The following ZNF804A variants were observed in gnomAD, a reference collection of about 807,000 sequenced individuals.
ZNF804A encodes zinc finger protein 804A.
Under a neutral mutation model 16.5 loss-of-function variants are expected in ZNF804A, and 2 were observed. The observed-to-expected ratio is 0.12, with a 90% confidence interval of 0.05 to 0.38. The LOEUF (loss-of-function observed/expected upper bound fraction) is 0.38. Among genes scored for constraint, ZNF804A ranks in the 10% least tolerant of loss-of-function variants. The pLI is 0.99. For synonymous variants in ZNF804A, 534 were observed against 489.6 expected (o/e 1.09, Z -1.20); for missense variants, 1,473 against 1,390.7 (o/e 1.06, Z -0.94).
At chr2:184,780,092 G>A (rs530855614) in intron 1 of ZNF804A, among the ~76,000 whole-genome samples, 15 of 151,912 alleles carry the variant, frequency 9.9e-5, no homozygotes, top group African/African-American at 2.2e-4. Context: ...AGCTCAGACT[G>A]TGTGATATCT....
At chr2:184,839,874 G>C (rs1695408713) in intron 1 of ZNF804A, among the ~76,000 whole-genome samples, 1 of 151,926 alleles carries the variant, frequency 6.6e-6, no homozygotes, top group Non-Finnish European at 1.5e-5. Context: ...CTCTTTTAAA[G>C]GTGGCCTGAC....
intron 1 of ZNF804A, among the ~76,000 whole-genome samples, chr2:184,789,422 T>G (rs1295015534): frequency 6.6e-6 from 1 of 152,140 alleles, no homozygotes. Flanking sequence ...CAGCTCTTCT[T>G]TGTGTGTCTA....
intron 1 of ZNF804A, among the ~76,000 whole-genome samples, chr2:184,819,628 G>A (rs901630592): frequency 9.9e-5 from 15 of 151,626 alleles, no homozygotes; most frequent in African/African-American, 3.1e-4. Flanking sequence ...AATGAATGGA[G>A]GAGCTGTTTT....
chr2:184,869,141 A>C (rs1310456361), intron 2 of ZNF804A, among the ~76,000 whole-genome samples: 1 of 152,024 alleles, frequency 6.6e-6, no homozygotes. Context: ...AATCTGAAAA[A>C]AAAATTTCTG....
At chr2:184,818,835 G>A (rs1470076614) in intron 1 of ZNF804A, among the ~76,000 whole-genome samples, 2 of 152,038 alleles carry the variant, frequency 1.3e-5, no homozygotes, top group Non-Finnish European at 2.9e-5. Flanking sequence ...AAAATGGTAA[G>A]GGGTTCAGTT....
intron 2 of ZNF804A, among the ~76,000 whole-genome samples, chr2:184,932,802 C>A (rs1480715969): frequency 6.6e-6 from 1 of 152,158 alleles, no homozygotes; most frequent in African/African-American, 2.4e-5. Context: ...ATACCACACA[C>A]ACGGCTATTT....
intron 2 of ZNF804A, among the ~76,000 whole-genome samples, chr2:184,927,991 G>A (rs1030982167): frequency 6.6e-6 from 1 of 152,028 alleles, no homozygotes; most frequent in Non-Finnish European, 1.5e-5. Context: ...AGAGCTTGTA[G>A]CTAAGGTGCA....
chr2:184,652,960 C>G (rs1692012431), intron 1 of ZNF804A, among the ~76,000 whole-genome samples: 1 of 152,140 alleles, frequency 6.6e-6, no homozygotes, highest in Non-Finnish European at 1.5e-5. Flanking sequence ...TTTCCTGAGG[C>G]CTACTCAGCC....
intron 2 of ZNF804A, among the ~76,000 whole-genome samples, chr2:184,897,387 C>A: frequency 6.7e-6 from 1 of 148,928 alleles, no homozygotes; most frequent in African/African-American, 2.4e-5. Flanking sequence ...TTTTTTTTCC[C>A]CTTTCCATAC....
At chr2:184,874,565 T>C (rs1045146906) in intron 2 of ZNF804A, among the ~76,000 whole-genome samples, 4 of 152,166 alleles carry the variant, frequency 2.6e-5, no homozygotes, top group African/African-American at 9.7e-5. Flanking sequence ...CATTCAAGTC[T>C]TTCACCATTT....
At chr2:184,853,593 A>G (rs1026350124) in intron 1 of ZNF804A, among the ~76,000 whole-genome samples, 11 of 151,806 alleles carry the variant, frequency 7.2e-5, no homozygotes, top group Non-Finnish European at 1.2e-4. Flanking sequence ...TTTTGAGAGC[A>G]TTTATCATGA....
At chr2:184,717,507 G>T (rs979568242) in intron 1 of ZNF804A, among the ~76,000 whole-genome samples, 1 of 152,072 alleles carries the variant, frequency 6.6e-6, no homozygotes, top group African/African-American at 2.4e-5. Flanking sequence ...AGAATTCTTT[G>T]TGTTGAATAC....
chr2:184,930,833 T>G (rs780145779), intron 2 of ZNF804A, among the ~76,000 whole-genome samples: 12 of 152,246 alleles, frequency 7.9e-5, no homozygotes, highest in Non-Finnish European at 1.5e-4. Flanking sequence ...ATTAAAACTT[T>G]ATCCAATTAG....
At chr2:184,879,139 T>TTG (rs762971477) in intron 2 of ZNF804A, among the ~76,000 whole-genome samples, 6 of 149,328 alleles carry the variant, frequency 4.0e-5, no homozygotes, top group African/African-American at 1.5e-4. Flanking sequence ...TTTGTGTGTG[T>TTG]TGTGTGTGTG....
intron 1 of ZNF804A, among the ~76,000 whole-genome samples, chr2:184,820,016 T>G (rs1695047260): frequency 6.6e-6 from 1 of 152,032 alleles, no homozygotes; most frequent in African/African-American, 2.4e-5. Flanking sequence ...TCATTTCTAT[T>G]GAAACTATTC....
chr2:184,704,001 A>G (rs1692977435), intron 1 of ZNF804A, among the ~76,000 whole-genome samples: 1 of 152,164 alleles, frequency 6.6e-6, no homozygotes, highest in Admixed American at 6.5e-5. Context: ...CAAAGATGCG[A>G]AAAGTTCTCT....
At chr2:184,763,285 C>A (rs1694067571) in intron 1 of ZNF804A, among the ~76,000 whole-genome samples, 1 of 151,960 alleles carries the variant, frequency 6.6e-6, no homozygotes, top group African/African-American at 2.4e-5. Flanking sequence ...TTCAATATGA[C>A]CAGCGTCTTT....
At chr2:184,747,080 A>G (rs1352974511) in intron 1 of ZNF804A, among the ~76,000 whole-genome samples, 13 of 151,224 alleles carry the variant, frequency 8.6e-5, no homozygotes, top group Admixed American at 6.6e-5. Flanking sequence ...CTGCTCCTTT[A>G]TTAGTTAGCA....
chr2:184,687,837 G>C (rs1281447473), intron 1 of ZNF804A, among the ~76,000 whole-genome samples: 2 of 152,164 alleles, frequency 1.3e-5, no homozygotes, highest in Non-Finnish European at 2.9e-5. Context: ...CAATTTCATA[G>C]GCCAGGCGTG....
Sources: gnomAD v4.1 joint callset for allele counts (sites outside exome capture counted in the v4.1 genomes callset) on GRCh38, gnomAD v4.1.1 for gene constraint, MANE v1.5 for transcripts, NCBI Gene and HGNC (gene_info 2026-07-23, HGNC 2026-07-21) for gene names.